Variants in CDH13 observed in about 807,000 individuals in gnomAD.
CDH13 encodes cadherin 13.
In CDH13, 24 loss-of-function variants were observed where a neutral mutation model predicts 63.8. The ratio of observed to expected loss-of-function variants is 0.38; its 90% CI spans 0.27 to 0.53. The LOEUF (loss-of-function observed/expected upper bound fraction) is 0.53, where lower values mean the gene tolerates loss of function less well. Ranked by LOEUF, CDH13 falls within the 20% of genes least tolerant of loss-of-function variation. CDH13 has a pLI of 0.85. For synonymous variants in CDH13, 503 were observed against 355.3 expected, an observed-to-expected ratio of 1.42 and a Z score of -4.67; for missense variants, 1,049 against 903.1, an observed-to-expected ratio of 1.16 and a Z score of -2.07.
intron 5 of CDH13, among the ~76,000 whole-genome samples, chr16:83,311,854 C>G (rs1464267620): frequency 6.6e-6 from 1 of 152,138 alleles, no homozygotes; most frequent in Non-Finnish European, 1.5e-5. Flanking sequence ...GCGGGTGGAT[C>G]ACCTGAGGTT....
chr16:82,642,260 C>T (rs1386063664), intron 1 of CDH13, among the ~76,000 whole-genome samples: 1 of 152,130 alleles, frequency 6.6e-6, no homozygotes, highest in African/African-American at 2.4e-5. Flanking sequence ...GCATTTAACT[C>T]AGAGGTTAGA....
intron 4 of CDH13, among the ~76,000 whole-genome samples, chr16:83,195,638 C>G (rs953440028): frequency 3.3e-5 from 5 of 152,114 alleles, no homozygotes; most frequent in Admixed American, 2.6e-4. Context: ...CCCACCAAGC[C>G]CCCTCCTCCA....
intron 7 of CDH13, among the ~76,000 whole-genome samples, chr16:83,590,679 G>A (rs1403394907): frequency 6.6e-6 from 1 of 152,132 alleles, no homozygotes; most frequent in Non-Finnish European, 1.5e-5. Context: ...ATCATAAATG[G>A]GTGAGTTTTA....
At chr16:83,391,166 A>G (rs1334115656) in intron 6 of CDH13, among the ~76,000 whole-genome samples, 1 of 151,610 alleles carries the variant, frequency 6.6e-6, no homozygotes, top group Non-Finnish European at 1.5e-5. Context: ...GATGCTCTTT[A>G]GTATCCTTCT....
In CDH13 at chr16:83,305,595, C is replaced by G. The variant is rs148006427; in HGVS notation, c.637-39267C>G. Among the ~76,000 whole-genome samples the G allele has an allele frequency of 4.7e-4, 71 of 152,280 alleles. 1 individual carries two copies. Among genetic ancestry groups the G allele is most frequent in the African/African-American group, 1.6e-3 (68 of 41,560 alleles). ...TTCCAAGTTGGCATCCCAGTTCTTC[C>G]ACGTAGCAGCTATAACCTTGATGCA... On this transcript the variant is annotated intron_variant, in intron 5 of 13. Transcript: ENST00000567109.
chr16:82,787,792 C>T (rs546864563), intron 1 of CDH13, among the ~76,000 whole-genome samples: 106 of 97,768 alleles, frequency 1.1e-3, no homozygotes, highest in African/African-American at 3.4e-3. Flanking sequence ...AGAAAAGTTA[C>T]GAATTAAGTT....
In CDH13 at chr16:83,705,091, CAT is replaced by C. The variant is rs763800010; in HGVS notation, c.1538+26632_1538+26633del. 5.9e-5 allele frequency among the ~76,000 whole-genome samples: 9 copies of C among 152,310 alleles called. No individual in the cohort carries two copies. The East Asian group carries it at 1.5e-3, about 26-fold the overall frequency. Reference sequence around the variant, plus strand: ...CTATATATTGACTTCATTTCTAAAACATAGGTTTCCCCGATTCTTAAATAGAG... The same window carrying C: ...CTATATATTGACTTCATTTCTAAAACAGGTTTCCCCGATTCTTAAATAGAG... On this transcript the variant is annotated intron_variant, in intron 10 of 13. Coordinates refer to ENST00000567109, the MANE Select transcript of CDH13 (RefSeq NM_001257.5).
rs1271676099 is a variant in CDH13 at position 83,500,225 on chromosome 16, TTTC to T, written c.960+13575_960+13577del. Among the ~76,000 whole-genome samples, 2 of 31,538 alleles carry T rather than the reference TTTC, an allele frequency of 6.3e-5. 1 individual carries two copies. 20.7% of individuals were successfully genotyped at this position (31,538 alleles called of 152,430 possible). A position where few individuals can be genotyped will look rare whatever the true frequency, so the allele number is the denominator to read the frequency against. On this transcript the variant is annotated intron_variant, in intron 7 of 13. Transcript: ENST00000567109. ...ACATTTGAATTCAGACACTAGTTTC[TTTC>T]TTCTCCTTCTTCTTCTTCTTCTTCT...
At position 83,779,405 on chromosome 16, in the gene CDH13, TCAAAAAAAAAAAAAAAA is replaced by T. The variant is rs768623461; in HGVS notation, c.1682-562_1682-546del. On this transcript the variant is annotated intron_variant, in intron 11 of 13. Coordinates refer to ENST00000567109, the MANE Select transcript of CDH13 (RefSeq NM_001257.5). ...CCGGGCGACAGCGCGAGACTCCATC[TCAAAAAAAAAAAAAAAA>T]AAAAAAAAAAAAAAAAGTCTTATAT... 2.0e-3 allele frequency among the ~76,000 whole-genome samples: 137 copies of T among 67,812 alleles called. 10 individuals carry two copies. Among genetic ancestry groups the T allele is most frequent in the Non-Finnish European group, 1.2e-3 (47 of 39,164 alleles). 44.5% of individuals were successfully genotyped at this position (67,812 alleles called of 152,430 possible). A position where few individuals can be genotyped will look rare whatever the true frequency, so the allele number is the denominator to read the frequency against.
intron 7 of CDH13, among the ~76,000 whole-genome samples, chr16:83,555,417 T>G (rs1300940307): frequency 2.0e-5 from 3 of 152,250 alleles, no homozygotes; most frequent in Non-Finnish European, 4.4e-5. Context: ...AGGTGATTCA[T>G]ATACACATTA....
chr16:83,098,375 T>C (rs2034307875), intron 3 of CDH13, among the ~76,000 whole-genome samples: 1 of 152,232 alleles, frequency 6.6e-6, no homozygotes, highest in African/African-American at 2.4e-5. Context: ...TATTTTTTAC[T>C]TTAAACAATC....
intron 6 of CDH13, chr16:83,396,838 C>T (rs1298070161): frequency 6.6e-6 from 1 of 152,078 alleles, no homozygotes; most frequent in Non-Finnish European, 1.5e-5. Context: ...CATGTGTTAC[C>T]AGACTTTGTC....
At chr16:83,425,300 C>T (rs973697298) in intron 6 of CDH13, among the ~76,000 whole-genome samples, 4 of 152,234 alleles carry the variant, frequency 2.6e-5, no homozygotes, top group Admixed American at 2.6e-4. Flanking sequence ...GTGTTTCAGC[C>T]ACAGGACATC....
intron 4 of CDH13, among the ~76,000 whole-genome samples, chr16:83,147,260 A>G (rs1265844610): frequency 6.6e-6 from 1 of 152,172 alleles, no homozygotes; most frequent in African/African-American, 2.4e-5. Context: ...TCTGTTTTCC[A>G]CATCCACCTT....
intron 5 of CDH13, among the ~76,000 whole-genome samples, chr16:83,271,085 C>T (rs1303793095): frequency 1.3e-5 from 2 of 151,882 alleles, no homozygotes; most frequent in Non-Finnish European, 1.5e-5. Flanking sequence ...AAAGTCCTGC[C>T]CACTCAGCAT....
intron 2 of CDH13, among the ~76,000 whole-genome samples, chr16:83,021,298 C>T (rs1915324246): frequency 6.6e-6 from 1 of 152,182 alleles, no homozygotes; most frequent in African/African-American, 2.4e-5. Flanking sequence ...CTGTGTCAAG[C>T]ACTGTGCTAT....
chr16:83,495,014 T>C (rs1384074852), intron 7 of CDH13, among the ~76,000 whole-genome samples: 1 of 152,058 alleles, frequency 6.6e-6, no homozygotes, highest in East Asian at 1.9e-4. Flanking sequence ...AAATAGTAAA[T>C]CGTATAGACT....
At chr16:83,684,602 A>G (rs1904285684) in intron 10 of CDH13, among the ~76,000 whole-genome samples, 1 of 152,128 alleles carries the variant, frequency 6.6e-6, no homozygotes, top group African/African-American at 2.4e-5. Context: ...TATTCCAAAC[A>G]TTTTTCAGAC....
At chr16:83,303,421 G>C (rs917976728) in intron 5 of CDH13, among the ~76,000 whole-genome samples, 2 of 152,134 alleles carry the variant, frequency 1.3e-5, no homozygotes, top group African/African-American at 2.4e-5. Context: ...ATAACTTTTA[G>C]GGGGAATGAA....
Sources: gnomAD v4.1 joint callset for allele counts (sites outside exome capture counted in the v4.1 genomes callset) on GRCh38, gnomAD v4.1.1 for gene constraint, MANE v1.5 for transcripts, NCBI Gene and HGNC (gene_info 2026-07-23, HGNC 2026-07-21) for gene names.